Variants in STX18 observed in about 807,000 individuals in gnomAD.
The protein encoded by STX18 is syntaxin 18, also known as syntaxin-18.
STX18 carries 40 observed loss-of-function variants against 50.1 expected under a neutral mutation model. The observed-to-expected ratio is 0.80, with a 90% CI of 0.62 to 1.04. The LOEUF is 1.04. STX18 is among the 50% of genes least tolerant of loss of function. The pLI is 0.00. For synonymous variants in STX18, 158 were observed against 151.8 expected, an observed-to-expected ratio of 1.04 and a Z score of -0.30; for missense variants, 410 against 415.8, an observed-to-expected ratio of 0.99 and a Z score of 0.12.
At position 4,434,763 on chromosome 4, in the gene STX18, G is replaced by C. The variant is rs1577318426; in HGVS notation, c.702+7C>G. The C allele has an allele frequency of 6.3e-7, 1 of 1,599,582 alleles. No homozygotes were observed. Among genetic ancestry groups the C allele is most frequent in the Non-Finnish European group, 8.5e-7 (1 of 1,173,768 alleles). ...AAAATAAATAATTAGGCAGAGAATA[G>C]CATTACCATTTGTATTTCTTCTGGG... On this transcript the variant is annotated splice_region_variant and intron_variant, in intron 7 of 10. Transcript: ENST00000306200.
rs940633891 is a variant in STX18, at chr4:4,465,556, G to A, written c.237-6069C>T. Among the ~76,000 whole-genome samples, 3 of 152,182 alleles carry A rather than the reference G, an allele frequency of 2.0e-5. No individual in the cohort carries two copies. In the East Asian group the frequency reaches 5.8e-4, roughly 29 times the overall value. On this transcript the variant is annotated intron_variant, in intron 2 of 10. Transcript: ENST00000306200. ...CACTTATAAATGGGAGCTGAATTATGGGAACGCATGGACATGAGGCGGTGG... is the reference window on the plus strand; with the variant it reads ...CACTTATAAATGGGAGCTGAATTATAGGAACGCATGGACATGAGGCGGTGG...
chr4:4,508,666 A>C (rs767254971), intron 1 of STX18, among the ~76,000 whole-genome samples: 2 of 152,314 alleles, frequency 1.3e-5, no homozygotes, highest in Middle Eastern at 3.4e-3. Context: ...CTAGGTGTTA[A>C]GCCCAGCATC....
intron 7 of STX18, among the ~76,000 whole-genome samples, chr4:4,431,168 G>A (rs1268774091): frequency 6.6e-6 from 1 of 151,926 alleles, no homozygotes; most frequent in East Asian, 1.9e-4. Flanking sequence ...AAGAGTGGTG[G>A]AGTGCATTAA....
intron 5 of STX18, among the ~76,000 whole-genome samples, chr4:4,455,404 G>A (rs1727013707): frequency 6.6e-6 from 1 of 152,138 alleles, no homozygotes; most frequent in Non-Finnish European, 1.5e-5. Flanking sequence ...CTATTTGTTG[G>A]CATTAACAAT....
intron 1 of STX18, among the ~76,000 whole-genome samples, chr4:4,497,599 G>A (rs1051946769): frequency 2.0e-5 from 3 of 152,008 alleles, no homozygotes; most frequent in African/African-American, 7.3e-5. Context: ...GATTATCCTG[G>A]TTTTACATAG....
At chr4:4,483,253 T>G (rs973380438) in intron 1 of STX18, among the ~76,000 whole-genome samples, 7 of 151,810 alleles carry the variant, frequency 4.6e-5, no homozygotes, top group African/African-American at 1.7e-4. Context: ...AACCCAGAAA[T>G]TAAAAAAAAC....
rs145083430 is a variant in STX18, at chr4:4,451,858, G to A, written c.497+5333C>T. On this transcript the variant is annotated intron_variant, in intron 5 of 10. Transcript: ENST00000306200. ...AGTGTTCAAGTGAAAGAAGAGTTGC[G>A]TATCACTCACTTGAAGTCAAAAGCT... Among the ~76,000 whole-genome samples the A allele has an allele frequency of 7.0e-4, 107 of 152,242 alleles. 1 individual carries two copies. The highest frequency in any genetic ancestry group is 2.3e-3 in the African/African-American group (97 of 41,522).
rs895895111 is a variant in STX18, at chr4:4,420,793, C to T, written c.912+71G>A. 85 of 1,401,892 alleles carry T rather than the reference C, an allele frequency of 6.1e-5. No homozygotes were observed. The highest frequency in any genetic ancestry group is 5.3e-4 in the Middle Eastern group (3 of 5,650). The allele number at this position is 1,401,892 out of a possible 1,614,324, so 86.8% of individuals were successfully genotyped here. ...CAAGGCTCCTGGGCAGCTGTGCCGGCGAGACTAACACCCGCTGCTGGGACT... is the reference window on the plus strand; with the variant it reads ...CAAGGCTCCTGGGCAGCTGTGCCGGTGAGACTAACACCCGCTGCTGGGACT... On this transcript the variant is annotated intron_variant, in intron 10 of 10. Coordinates refer to ENST00000306200, the MANE Select transcript of STX18 (RefSeq NM_016930.4). The surrounding 1 kb of genome is among the most constrained non-coding windows in gnomAD (Gnocchi z 4.3).
intron 5 of STX18, among the ~76,000 whole-genome samples, chr4:4,444,581 T>C (rs1577328134): frequency 6.6e-6 from 1 of 152,224 alleles, no homozygotes; most frequent in East Asian, 1.9e-4. Flanking sequence ...AGCTAGAAGC[T>C]TGTACCTGAT....
At chr4:4,450,840 G>C (rs1354371287) in intron 5 of STX18, among the ~76,000 whole-genome samples, 2 of 152,152 alleles carry the variant, frequency 1.3e-5, no homozygotes, top group Non-Finnish European at 2.9e-5. Context: ...GGAAGTCAAA[G>C]GGCTTCACTG....
At chr4:4,488,805 A>G (rs1728807633) in intron 1 of STX18, among the ~76,000 whole-genome samples, 1 of 152,208 alleles carries the variant, frequency 6.6e-6, no homozygotes, top group Admixed American at 6.5e-5. Flanking sequence ...CCCTGAGCTT[A>G]TAAGGGTCTC....
chr4:4,537,103 T>C (rs1434693943), intron 1 of STX18, among the ~76,000 whole-genome samples: 2 of 152,200 alleles, frequency 1.3e-5, no homozygotes, highest in Non-Finnish European at 2.9e-5. Flanking sequence ...GGTTTCTTGC[T>C]TACCTGTGTG....
chr4:4,448,811 T>C (rs1385796356), intron 5 of STX18, among the ~76,000 whole-genome samples: 1 of 152,176 alleles, frequency 6.6e-6, no homozygotes, highest in Admixed American at 6.5e-5. Flanking sequence ...CTCTAGGCCT[T>C]GGTTTTCTTA....
intron 1 of STX18, among the ~76,000 whole-genome samples, chr4:4,473,012 TGAGA>T (rs1727998145): frequency 6.6e-6 from 1 of 152,218 alleles, no homozygotes; most frequent in African/African-American, 2.4e-5. Flanking sequence ...AAATCAGGAC[TGAGA>T]GACTGTCCAC....
intron 2 of STX18, among the ~76,000 whole-genome samples, chr4:4,469,068 G>A (rs1268122041): frequency 2.0e-5 from 3 of 152,160 alleles, no homozygotes; most frequent in African/African-American, 7.2e-5. Flanking sequence ...TATTCCCCTT[G>A]AGGAAAAGCC....
chr4:4,508,888 T>C (rs1341446438), intron 1 of STX18, among the ~76,000 whole-genome samples: 1 of 152,226 alleles, frequency 6.6e-6, no homozygotes, highest in Non-Finnish European at 1.5e-5. Context: ...GCAAAGGACA[T>C]GATCGTGTTC....
chr4:4,516,543 T>A (rs1007372692), intron 1 of STX18, among the ~76,000 whole-genome samples: 1 of 152,198 alleles, frequency 6.6e-6, no homozygotes, highest in Non-Finnish European at 1.5e-5. Flanking sequence ...ATCTTTAGCT[T>A]ATATACAAAG....
chr4:4,449,900 C>G (rs1024020661), intron 5 of STX18, among the ~76,000 whole-genome samples: 1 of 152,036 alleles, frequency 6.6e-6, no homozygotes, highest in Non-Finnish European at 1.5e-5. Flanking sequence ...CAGTAGACAC[C>G]GCTTCAAATT....
At chr4:4,529,653 C>T (rs1172165501) in intron 1 of STX18, among the ~76,000 whole-genome samples, 2 of 152,198 alleles carry the variant, frequency 1.3e-5, no homozygotes, top group Non-Finnish European at 2.9e-5. Context: ...ACCGGAGAAG[C>T]ACAGCACACA....
Sources: allele counts gnomAD v4.1 joint callset (sites outside exome capture counted in the v4.1 genomes callset), GRCh38; gene constraint gnomAD v4.1.1; non-coding constraint Gnocchi (gnomAD v3.1); transcripts MANE v1.5; gene names NCBI Gene and HGNC (gene_info 2026-07-23, HGNC 2026-07-21).